ZNF714: variants seen among roughly 807,000 people sequenced by gnomAD.
ZNF714 encodes zinc finger protein 714.
ZNF714 carries 32 observed loss-of-function variants against 46.2 expected under a neutral mutation model. The ratio of observed to expected loss-of-function variants is 0.69; its 90% CI spans 0.52 to 0.93. The LOEUF is 0.93. ZNF714 is among the 40% of genes least tolerant of loss of function. ZNF714 has a pLI of 0.00. For synonymous variants in ZNF714, 199 were observed against 213.1 expected, an observed-to-expected ratio of 0.93 and a Z score of 0.58; for missense variants, 635 against 646.3, an observed-to-expected ratio of 0.98 and a Z score of 0.19.
chr19:21,091,012 G>A (rs538971090), intron 2 of ZNF714: 1 of 151,618 alleles, frequency 6.6e-6, no homozygotes, highest in African/African-American at 2.4e-5. Flanking sequence ...AGCCACCGAA[G>A]TAGCTGGGAC....
At chr19:21,106,960 G>A (rs2144859563) in intron 4 of ZNF714, among the ~76,000 whole-genome samples, 1 of 152,058 alleles carries the variant, frequency 6.6e-6, no homozygotes, top group South Asian at 2.1e-4. Flanking sequence ...CTAAGTGGCT[G>A]GGATTACAGG....
At chr19:21,107,929 T>C (rs370916567) in intron 4 of ZNF714, among the ~76,000 whole-genome samples, 1 of 152,176 alleles carries the variant, frequency 6.6e-6, no homozygotes, top group Non-Finnish European at 1.5e-5. Context: ...GGTCTTCTTA[T>C]TTATTGTCGT....
chr19:21,106,118 T>G (rs1460415528), intron 4 of ZNF714, among the ~76,000 whole-genome samples: 3 of 150,894 alleles, frequency 2.0e-5, no homozygotes, highest in Admixed American at 6.6e-5. Flanking sequence ...AGCTGGACAT[T>G]GTGGCATGTG....
At chr19:21,115,722 T>C (rs778548006) in intron 4 of ZNF714, among the ~76,000 whole-genome samples, 28 of 151,902 alleles carry the variant, frequency 1.8e-4, no homozygotes, top group Non-Finnish European at 3.7e-4. Context: ...TATATATGTG[T>C]TTGTTATAAA....
At chr19:21,108,528 G>C (rs913474880) in intron 4 of ZNF714, among the ~76,000 whole-genome samples, 3 of 152,144 alleles carry the variant, frequency 2.0e-5, no homozygotes, top group African/African-American at 7.2e-5. Flanking sequence ...ATTCAAATGA[G>C]AACTGGTTCA....
Position 21,118,464 on chromosome 19 carries a change from A to AAAAG in ZNF714, c.*135_*136insGAAA, listed in dbSNP as rs1459697062. The AAAAG allele has an allele frequency of 5.0e-6, 2 of 396,850 alleles. No homozygotes were observed. The highest frequency in any genetic ancestry group is 4.1e-5 in the African/African-American group (2 of 48,442). 24.6% of individuals were successfully genotyped at this position (396,850 alleles called of 1,614,324 possible). ...AAGACTCTGTCTCAAAAAAAAAAAA[A>AAAAG]AAAAGAAAAGAAAATTCATACTGGA... On this transcript the variant is annotated 3_prime_UTR_variant, in exon 5 of 5. Coordinates refer to ENST00000456283, the MANE Select transcript of ZNF714 (RefSeq NM_182515.4).
chr19:21,120,874 CATAAT>C lies in ZNF714; in HGVS notation c.*2545_*2549del, dbSNP rs1969691986. 1.3e-5 allele frequency: 2 copies of C among 151,856 alleles called. No individual in the cohort carries two copies. Among genetic ancestry groups the C allele is most frequent in the South Asian group, 4.1e-4 (2 of 4,824 alleles). The allele number at this position is 151,856 out of a possible 1,614,324, so 9.4% of individuals were successfully genotyped here. ...CATTTAAATTTAATTTTGGTGGGTA[CATAAT>C]ATGAGTATATATTTATGCACTTATA... On this transcript the variant is annotated 3_prime_UTR_variant, in exon 5 of 5. Transcript: ENST00000456283.
chr19:21,088,142 T>C (rs1968826052), intron 2 of ZNF714, among the ~76,000 whole-genome samples: 1 of 152,160 alleles, frequency 6.6e-6, no homozygotes, highest in Admixed American at 6.5e-5. Flanking sequence ...GATAGTGGCA[T>C]TTTGAGAAGT....
At position 21,122,043 on chromosome 19, in the gene ZNF714, A is replaced by G. The variant is rs1235550360; in HGVS notation, c.*3711A>G. The G allele has an allele frequency of 1.3e-5, 2 of 152,196 alleles. No individual in the cohort carries two copies. Among genetic ancestry groups the G allele is most frequent in the African/African-American group, 4.8e-5 (2 of 41,452 alleles). The allele number at this position is 152,196 out of a possible 1,614,324, so 9.4% of individuals were successfully genotyped here. On this transcript the variant is annotated 3_prime_UTR_variant, in exon 5 of 5. Transcript: ENST00000456283. ...TGTTCTTTTAAGGGGAGAACAATAT[A>G]TAAGTTTTCTTTTCTTTAGTGATTG...
chr19:21,106,022 G>A (rs548055303), intron 4 of ZNF714, among the ~76,000 whole-genome samples: 14 of 152,054 alleles, frequency 9.2e-5, no homozygotes, highest in African/African-American at 2.7e-4. Flanking sequence ...AGGCTAAGGC[G>A]GGAGGGTCAC....
Position 21,123,633 on chromosome 19 carries a change from G to C in ZNF714, c.*5301G>C, listed in dbSNP as rs963809769. 6.6e-6 allele frequency among the ~76,000 whole-genome samples: 1 copy of C among 152,172 alleles called. No homozygotes were observed. The highest frequency in any genetic ancestry group is 2.4e-5 in the African/African-American group (1 of 41,434). The stretch of plus-strand genomic sequence containing the variant: ...ACCTCCCAAAGTGGTGGGATTACAG[G>C]CATGAGCCACAGTGCCCGGCCACGA... On this transcript the variant is annotated 3_prime_UTR_variant, in exon 5 of 5. Transcript: ENST00000456283.
chr19:21,116,810 T>A lies in ZNF714; in HGVS notation c.146T>A (p.Met49Lys), dbSNP rs1969604930. The A allele has an allele frequency of 6.3e-7, 1 of 1,583,892 alleles. No individual in the cohort carries two copies. The highest frequency in any genetic ancestry group is 8.5e-7 in the Non-Finnish European group (1 of 1,170,502). ...ICEMVDESPA[M>K]CSSFTRDLWP... ...TTGTTGTTTGTATTTCTTTCAGCTA[T>A]GTGTTCTTCTTTTACCAGAGACCTT... Residue 49 changes from methionine (M) to lysine (K), a missense_variant, in exon 5 of 5, where the codon ATG becomes AAG. Transcript: ENST00000456283.
Position 21,117,886 on chromosome 19 carries a change from C to A in ZNF714, c.1222C>A (p.Gln408Lys). 1 of 1,612,858 alleles carries A rather than the reference C, an allele frequency of 6.2e-7. No individual in the cohort carries two copies. The highest frequency in any genetic ancestry group is 8.5e-7 in the Non-Finnish European group (1 of 1,179,900). The stretch of plus-strand genomic sequence containing the variant: ...TGAAGAATGTGGCAAAGCTTTTAAC[C>A]AATCCTCAAACCTTACCAAACATAA... The part of the protein sequence containing the change: ...KCEECGKAFN[Q>K]SSNLTKHKII... The change falls in exon 5 of 5, where the codon CAA (glutamine) becomes AAA (lysine). Residue 408 changes from glutamine to lysine, a missense_variant. By Grantham distance (53) the Gln-to-Lys change is moderately conservative. Coordinates refer to ENST00000456283, the MANE Select transcript of ZNF714 (RefSeq NM_182515.4).
rs1419215525 is a variant in ZNF714 at position 21,118,222 on chromosome 19, G to C, written c.1558G>C (p.Gly520Arg). 1 of 1,589,816 alleles carries C rather than the reference G, an allele frequency of 6.3e-7. No homozygotes were observed. Among genetic ancestry groups the C allele is most frequent in the East Asian group, 2.3e-5 (1 of 43,912 alleles). ...TAATCCCAACACTTTGAGAGGACTAGGTGAGCAGATCGCGAGGTCAGGAGT... is the reference window on the plus strand; with the variant it reads ...TAATCCCAACACTTTGAGAGGACTACGTGAGCAGATCGCGAGGTCAGGAGT... ...ACNPNTLRGL[G>R]EQIARSGVQD... The change falls in exon 5 of 5, where the codon GGT (glycine) becomes CGT (arginine). Residue 520 changes from glycine to arginine, a missense_variant. Coordinates refer to ENST00000456283, the MANE Select transcript of ZNF714 (RefSeq NM_182515.4).
At chr19:21,113,421 A>G (rs1309097920) in intron 4 of ZNF714, among the ~76,000 whole-genome samples, 1 of 151,888 alleles carries the variant, frequency 6.6e-6, no homozygotes, top group African/African-American at 2.4e-5. Flanking sequence ...GCTGGGGTGC[A>G]GTGGCATGTT....
At chr19:21,108,511 T>C (rs562100345) in intron 4 of ZNF714, among the ~76,000 whole-genome samples, 1 of 152,320 alleles carries the variant, frequency 6.6e-6, no homozygotes, top group African/African-American at 2.4e-5. Flanking sequence ...AAGTTTTCAC[T>C]CCATTAATTC....
Position 21,121,517 on chromosome 19 carries a change from G to A in ZNF714, c.*3185G>A, listed in dbSNP as rs1969703105. 6.6e-6 allele frequency: 1 copy of A among 151,948 alleles called. No homozygotes were observed. The highest frequency in any genetic ancestry group is 2.1e-4 in the South Asian group (1 of 4,814). The allele number at this position is 151,948 out of a possible 1,614,324, so 9.4% of individuals were successfully genotyped here. On this transcript the variant is annotated 3_prime_UTR_variant, in exon 5 of 5. Coordinates refer to ENST00000456283, the MANE Select transcript of ZNF714 (RefSeq NM_182515.4). ...TTTTCTTTGAACATGTGGCCTGTCT[G>A]CCTGCAAACATGCAGACTTTTTGAT...
chr19:21,116,726 T>G (rs1969602520), intron 4 of ZNF714, 81 bp from the exon 5 acceptor site: 2 of 1,426,862 alleles, frequency 1.4e-6, no homozygotes, highest in East Asian at 4.8e-5. Flanking sequence ...TTATGTAGTT[T>G]GTATAATATA....
chr19:21,122,613 A>T lies in ZNF714; in HGVS notation c.*4281A>T, dbSNP rs1306678346. The T allele has an allele frequency of 1.3e-5, 2 of 152,116 alleles. No homozygotes were observed. Among genetic ancestry groups the T allele is most frequent in the South Asian group, 2.1e-4 (1 of 4,824 alleles). The allele number at this position is 152,116 out of a possible 1,614,324, so 9.4% of individuals were successfully genotyped here. On this transcript the variant is annotated 3_prime_UTR_variant, in exon 5 of 5. Transcript: ENST00000456283. Reference sequence around the variant, plus strand: ...GACAGAATGAGACTCATAAAAAAAAAAATAAATTCTGCTTCTTTTATTTTC... The same window carrying T: ...GACAGAATGAGACTCATAAAAAAAATAATAAATTCTGCTTCTTTTATTTTC...
Sources: allele counts gnomAD v4.1 joint callset (sites outside exome capture counted in the v4.1 genomes callset), GRCh38; gene constraint gnomAD v4.1.1; transcripts MANE v1.5; gene names NCBI Gene and HGNC (gene_info 2026-07-23, HGNC 2026-07-21).